Variants in INVS observed in about 807,000 individuals in gnomAD.
INVS encodes inversin, also known as inversion of embryo turning homolog.
Under a neutral mutation model 108.8 loss-of-function variants are expected in INVS, and 86 were observed. The observed-to-expected ratio is 0.79, with a 90% CI of 0.66 to 0.95. The LOEUF (loss-of-function observed/expected upper bound fraction) is 0.95, where lower values mean the gene tolerates loss of function less well. INVS is among the 40% of genes least tolerant of loss of function. INVS has a pLI of 0.00. For missense variants in INVS, 1,169 were observed against 1,297.4 expected (o/e 0.90, Z 1.52); for synonymous variants, 455 against 473.5 (o/e 0.96, Z 0.51).
In INVS at chr9:100,131,841, A is replaced by T. The variant is rs1056744376; in HGVS notation, c.273+5292A>T. On this transcript the variant is annotated intron_variant, in intron 3 of 16. Transcript: ENST00000262457. ...TAAATTCATAAATAATTCTCAGTTC[A>T]TCTATGAAAATTGAATGTTTATTTT... is the stretch of plus-strand genomic sequence containing the variant. 2.6e-5 allele frequency: 18 copies of T among 696,318 alleles called. No individual in the cohort carries two copies. In the African/African-American group the frequency reaches 3.1e-4, roughly 12 times the overall value. The allele number at this position is 696,318 out of a possible 1,614,324, so 43.1% of individuals were successfully genotyped here.
At chr9:100,158,012 G>A (rs910829653) in intron 3 of INVS, among the ~76,000 whole-genome samples, 3 of 152,132 alleles carry the variant, frequency 2.0e-5, no homozygotes, top group African/African-American at 7.2e-5. Flanking sequence ...TTAATGTGGT[G>A]TATATCACAG....
At position 100,147,925 on chromosome 9, in the gene INVS, TGTAATCCCA is replaced by T. The variant is rs1828671570; in HGVS notation, c.273+21382_273+21390del. On this transcript the variant is annotated intron_variant, in intron 3 of 16. Coordinates refer to ENST00000262457, the MANE Select transcript of INVS (RefSeq NM_014425.5). ...AAGGCCAGGTGTCATGGCTTACACC[TGTAATCCCA>T]GTAATTTGGGAGGCCAAAACAGGGG... Among the ~76,000 whole-genome samples, 5 of 151,534 alleles carry T rather than the reference TGTAATCCCA, an allele frequency of 3.3e-5. No homozygotes were observed. The Middle Eastern group carries it at 0.01, about 309-fold the overall frequency.
intron 3 of INVS, among the ~76,000 whole-genome samples, chr9:100,167,225 C>CAAAAAAAA (rs368190275): frequency 7.4e-6 from 1 of 134,950 alleles, no homozygotes. Context: ...GACTCTATCT[C>CAAAAAAAA]AAAAAAAAAA....
chr9:100,233,431 G>GT (rs1831576937), intron 5 of INVS, among the ~76,000 whole-genome samples: 1 of 152,148 alleles, frequency 6.6e-6, no homozygotes, highest in African/African-American at 2.4e-5. Flanking sequence ...GTGAGAGAGG[G>GT]TATCCTTGTC....
intron 2 of INVS, among the ~76,000 whole-genome samples, chr9:100,107,090 T>G (rs917913104): frequency 6.6e-6 from 1 of 152,244 alleles, no homozygotes; most frequent in African/African-American, 2.4e-5. Flanking sequence ...TTTCTTATTT[T>G]GAAGTATACA....
At chr9:100,229,961 C>A in intron 5 of INVS, 134 bp downstream of exon 5, 2 of 807,712 alleles carry the variant, frequency 2.5e-6, no homozygotes, top group Non-Finnish European at 4.0e-6. Flanking sequence ...CATATGGACT[C>A]ATCCCCCAAG....
intron 3 of INVS, among the ~76,000 whole-genome samples, chr9:100,138,686 T>C (rs1294294049): frequency 6.6e-6 from 1 of 150,618 alleles, no homozygotes. Flanking sequence ...TAAATTATTT[T>C]TATTGATGGT....
intron 10 of INVS, among the ~76,000 whole-genome samples, chr9:100,258,957 C>T (rs1050383182): frequency 6.6e-6 from 1 of 152,210 alleles, no homozygotes; most frequent in Admixed American, 6.5e-5. Flanking sequence ...CAGACAGGGT[C>T]GTTTAAGTCT....
rs1210254074 is a variant in INVS at position 100,276,520 on chromosome 9, C to CT, written c.1784+3452dup. Among the ~76,000 whole-genome samples, 8 of 151,848 alleles carry CT rather than the reference C, an allele frequency of 5.3e-5. No individual in the cohort carries two copies. In the South Asian group the frequency reaches 1.0e-3, roughly 20 times the overall value. On this transcript the variant is annotated intron_variant, in intron 12 of 16. Transcript: ENST00000262457. ...CCACTCTATACAAACCCTCGTTCTT[C>CT]TTTTTTTTGAGACAGAGTCTTTCTG...
At chr9:100,278,716 C>G (rs1333402265) in intron 12 of INVS, among the ~76,000 whole-genome samples, 1 of 152,194 alleles carries the variant, frequency 6.6e-6, no homozygotes, top group East Asian at 1.9e-4. Flanking sequence ...TCTTAGGTTT[C>G]TTTCAGTTCT....
intron 3 of INVS, among the ~76,000 whole-genome samples, chr9:100,224,477 GA>G (rs1414795604): frequency 6.6e-6 from 1 of 152,104 alleles, no homozygotes; most frequent in East Asian, 1.9e-4. Flanking sequence ...TAAAAATGAG[GA>G]AATAGATCTG....
chr9:100,302,104 A>T lies in INVS; in HGVS notation c.*1430A>T. ...TAAACTTCTTTAAAAGTTCAGCTTT[A>T]ATGACAAAGATCTATTACATCAGTC... is the stretch of plus-strand genomic sequence containing the variant. On this transcript the variant is annotated 3_prime_UTR_variant, in exon 17 of 17. Transcript: ENST00000262457. 1 of 774,142 alleles carries T rather than the reference A, an allele frequency of 1.3e-6. No homozygotes were observed. Among genetic ancestry groups the T allele is most frequent in the Non-Finnish European group, 2.0e-6 (1 of 498,926 alleles). The allele number at this position is 774,142 out of a possible 1,614,324, so 48.0% of individuals were successfully genotyped here. A position where few individuals can be genotyped will look rare whatever the true frequency, so the allele number is the denominator to read the frequency against.
intron 10 of INVS, among the ~76,000 whole-genome samples, chr9:100,262,343 T>G (rs1832653194): frequency 6.6e-6 from 1 of 152,126 alleles, no homozygotes; most frequent in Admixed American, 6.5e-5. Flanking sequence ...CTTGAAGTTA[T>G]CTGGTGTTGG....
In INVS at chr9:100,284,448, G is replaced by C. The variant is rs761806481; in HGVS notation, c.1913G>C (p.Arg638Pro). 3.1e-6 allele frequency: 5 copies of C among 1,614,158 alleles called. No individual in the cohort carries two copies. Among genetic ancestry groups the C allele is most frequent in the Non-Finnish European group, 4.2e-6 (5 of 1,180,014 alleles). ...STQDVPSRQSRAPSKQPPAGN... is the reference protein window; with the variant it reads ...STQDVPSRQSPAPSKQPPAGN... ...CAGGATGTGCCCAGCAGGCAGAGCC[G>C]GGCCCCCAGCAAGCAGCCTCCTGCT... The change falls in exon 13 of 17, where the codon CGG (arginine) becomes CCG (proline). Residue 638 changes from arginine (R) to proline (P), a missense_variant. By Grantham distance (103) the Arg-to-Pro change is moderately radical. Coordinates refer to ENST00000262457, the MANE Select transcript of INVS (RefSeq NM_014425.5).
intron 3 of INVS, among the ~76,000 whole-genome samples, chr9:100,210,051 G>C (rs1476155594): frequency 2.0e-5 from 3 of 152,086 alleles, no homozygotes; most frequent in African/African-American, 7.2e-5. Context: ...TCAACATGCA[G>C]CTCAGGCACT....
intron 3 of INVS, among the ~76,000 whole-genome samples, chr9:100,195,945 T>C (rs1177425953): frequency 1.3e-5 from 2 of 152,226 alleles, no homozygotes; most frequent in Non-Finnish European, 2.9e-5. Context: ...TTTTTCTTCT[T>C]ATAATGTCTT....
chr9:100,111,742 C>T (rs573752018), intron 2 of INVS, among the ~76,000 whole-genome samples: 66 of 152,166 alleles, frequency 4.3e-4, no homozygotes, highest in African/African-American at 1.3e-3. Context: ...AAACAAGTTG[C>T]GGTGTAGATT....
intron 3 of INVS, among the ~76,000 whole-genome samples, chr9:100,207,830 TA>T (rs1245946483): frequency 3.9e-5 from 6 of 152,220 alleles, no homozygotes; most frequent in African/African-American, 1.2e-4. Flanking sequence ...TCAATATATG[TA>T]AAGCATAAAA....
At chr9:100,208,275 G>A (rs937651049) in intron 3 of INVS, among the ~76,000 whole-genome samples, 2 of 152,174 alleles carry the variant, frequency 1.3e-5, no homozygotes, top group Admixed American at 6.5e-5. Context: ...TTGAATTCAA[G>A]CACTCACTGT....
Sources: allele counts gnomAD v4.1 joint callset (sites outside exome capture counted in the v4.1 genomes callset), GRCh38; gene constraint gnomAD v4.1.1; transcripts MANE v1.5; gene names NCBI Gene and HGNC (gene_info 2026-07-23, HGNC 2026-07-21).